DIP2C: variants seen among roughly 807,000 people sequenced by gnomAD.
DIP2C encodes the protein DIP2 acetate--CoA ligase C (putative), also known as disco-interacting protein 2 homolog C.
In DIP2C, 33 loss-of-function variants were observed where a neutral mutation model predicts 192.4. The observed-to-expected ratio is 0.17, with a 90% CI of 0.13 to 0.23. The LOEUF is 0.23. DIP2C is among the 10% of genes least tolerant of loss of function. DIP2C has a pLI of 1.00. For synonymous variants in DIP2C, 979 were observed against 864.1 expected, an observed-to-expected ratio of 1.13 and a Z score of -2.33; for missense variants, 1,537 against 2,110.1, an observed-to-expected ratio of 0.73 and a Z score of 5.32.
chr10:441,053 T>G, intron 3 of DIP2C, 57 bp from the exon 4 acceptor site: 3 of 1,564,308 alleles, frequency 1.9e-6, no homozygotes. Context: ...GAGGCCAAGC[T>G]GCACCCTCCT....
At chr10:374,410 T>G (rs1961328112) in intron 17 of DIP2C, among the ~76,000 whole-genome samples, 1 of 152,220 alleles carries the variant, frequency 6.6e-6, no homozygotes, top group South Asian at 2.1e-4. Context: ...TATTGTGTTG[T>G]GGTTATATAT....
intron 3 of DIP2C, among the ~76,000 whole-genome samples, chr10:457,339 A>G (rs1161065030): frequency 1.3e-5 from 2 of 152,166 alleles, no homozygotes; most frequent in Non-Finnish European, 2.9e-5. Flanking sequence ...GACTTAATAT[A>G]AAGATTTTAG....
intron 1 of DIP2C, among the ~76,000 whole-genome samples, chr10:525,240 C>T (rs574568305): frequency 7.2e-5 from 11 of 152,284 alleles, no homozygotes; most frequent in South Asian, 4.2e-4. Context: ...AAGCTCCTAA[C>T]GCCTCAAACC....
intron 1 of DIP2C, among the ~76,000 whole-genome samples, chr10:488,093 C>CA (rs1448636766): frequency 1.3e-5 from 2 of 152,234 alleles, no homozygotes; most frequent in African/African-American, 4.8e-5. Context: ...ATCGAGCCCC[C>CA]AGTCAATCAG....
chr10:436,671 C>T (rs7893859), intron 4 of DIP2C, among the ~76,000 whole-genome samples: 2,149 of 136,488 alleles, frequency 0.016, 60 homozygotes, highest in African/African-American at 0.054. Context: ...GAGCTCTCTC[C>T]AAGCTCCGCC....
At chr10:611,649 T>C (rs1853106268) in intron 1 of DIP2C, among the ~76,000 whole-genome samples, 1 of 152,152 alleles carries the variant, frequency 6.6e-6, no homozygotes, top group Non-Finnish European at 1.5e-5. Context: ...CAATTAAACA[T>C]CTTAAGCTTC....
chr10:487,410 G>C (rs887924728), intron 1 of DIP2C, among the ~76,000 whole-genome samples: 1 of 151,922 alleles, frequency 6.6e-6, no homozygotes, highest in Non-Finnish European at 1.5e-5. Flanking sequence ...AGTGAAAGGC[G>C]GGCAGTCTCG....
chr10:475,022 G>T (rs540236145), intron 2 of DIP2C, among the ~76,000 whole-genome samples: 2 of 152,220 alleles, frequency 1.3e-5, no homozygotes, highest in Admixed American at 6.5e-5. Context: ...AGGCTTCAAC[G>T]GGGCTGTTTC....
At chr10:494,824 C>T (rs1844698507) in intron 1 of DIP2C, among the ~76,000 whole-genome samples, 1 of 152,212 alleles carries the variant, frequency 6.6e-6, no homozygotes, top group Non-Finnish European at 1.5e-5. Context: ...TGGAAAATAG[C>T]ATGGAGCATC....
intron 1 of DIP2C, among the ~76,000 whole-genome samples, chr10:551,334 G>A (rs745468965): frequency 7.2e-5 from 11 of 152,136 alleles, no homozygotes; most frequent in African/African-American, 1.9e-4. Flanking sequence ...ACCCCAAGGG[G>A]CAGGCATGCC....
At chr10:629,100 T>G (rs1232553529) in intron 1 of DIP2C, among the ~76,000 whole-genome samples, 1 of 152,188 alleles carries the variant, frequency 6.6e-6, no homozygotes, top group African/African-American at 2.4e-5. Context: ...ACTCGCTGTC[T>G]GGGTCTAAGA....
intron 1 of DIP2C, among the ~76,000 whole-genome samples, chr10:576,461 T>C (rs1850165180): frequency 6.6e-6 from 1 of 152,214 alleles, no homozygotes. Context: ...GACTTGCCCA[T>C]CCGGCATTCC....
chr10:484,778 C>T, intron 2 of DIP2C: 1 of 1,610,338 alleles, frequency 6.2e-7, no homozygotes, highest in Non-Finnish European at 8.5e-7. Flanking sequence ...AAGCAGCGCT[C>T]ACCGAAACGA....
chr10:301,326 G>T (rs1268581737), intron 32 of DIP2C, among the ~76,000 whole-genome samples: 2 of 152,238 alleles, frequency 1.3e-5, no homozygotes, highest in African/African-American at 4.8e-5. Context: ...CAGAGACAAG[G>T]AAACGCTGGT....
chr10:543,844 G>A (rs1848132765), intron 1 of DIP2C, among the ~76,000 whole-genome samples: 1 of 152,226 alleles, frequency 6.6e-6, no homozygotes, highest in African/African-American at 2.4e-5. Context: ...ATCACCACTA[G>A]TATTTAATTC....
chr10:497,861 CAT>C (rs1265250280), intron 1 of DIP2C, among the ~76,000 whole-genome samples: 4 of 152,196 alleles, frequency 2.6e-5, no homozygotes, highest in Non-Finnish European at 2.9e-5. Context: ...ACAGGGAAAA[CAT>C]ATGTCATGAG....
intron 1 of DIP2C, among the ~76,000 whole-genome samples, chr10:525,960 C>G (rs1847026953): frequency 1.3e-5 from 2 of 152,206 alleles, no homozygotes; most frequent in African/African-American, 2.4e-5. Flanking sequence ...GAGGCCCTCA[C>G]CAGTCATGGC....
intron 1 of DIP2C, among the ~76,000 whole-genome samples, chr10:589,342 T>C (rs1456978947): frequency 2.6e-5 from 4 of 152,178 alleles, no homozygotes; most frequent in Non-Finnish European, 2.9e-5. Flanking sequence ...TTTGATGAAG[T>C]CTTGTCTCCT....
At chr10:629,355 C>A (rs185589290) in intron 1 of DIP2C, among the ~76,000 whole-genome samples, 2 of 152,170 alleles carry the variant, frequency 1.3e-5, no homozygotes, top group Non-Finnish European at 2.9e-5. Flanking sequence ...ACCCCTCACC[C>A]GTGGTCCTGA....
Sources: gnomAD v4.1 joint callset for allele counts (sites outside exome capture counted in the v4.1 genomes callset) on GRCh38, gnomAD v4.1.1 for gene constraint, MANE v1.5 for transcripts, NCBI Gene and HGNC (gene_info 2026-07-23, HGNC 2026-07-21) for gene names.